Variants in NPAS4 observed in about 807,000 individuals in gnomAD.
The protein encoded by NPAS4 is neuronal PAS domain-containing protein 4.
A neutral mutation model predicts 64.0 loss-of-function variants in NPAS4; 10 were observed. That is an observed-to-expected ratio of 0.16 (90% CI 0.10 to 0.26). The LOEUF (loss-of-function observed/expected upper bound fraction) is 0.26, where lower values mean the gene tolerates loss of function less well. Among genes scored for constraint, NPAS4 ranks in the 10% least tolerant of loss-of-function variants. NPAS4 has a pLI of 1.00. For missense variants in NPAS4, 886 were observed against 992.6 expected, an observed-to-expected ratio of 0.89 and a Z score of 1.44; for synonymous variants, 441 against 411.7, an observed-to-expected ratio of 1.07 and a Z score of -0.86.
rs929792476 is a variant in NPAS4, at chr11:66,422,519, C to T, written c.396C>T (p.Arg132=). 1 of 1,613,914 alleles carries T rather than the reference C, an allele frequency of 6.2e-7. No individual in the cohort carries two copies. Among genetic ancestry groups the T allele is most frequent in the Non-Finnish European group, 8.5e-7 (1 of 1,179,938 alleles). ...ACCCAGCTGACCACCTCACTGTGCG[C>T]CAGCAACTCACCCTGCCCTCTGCCC... The part of the protein sequence containing the change: ...IIDPADHLTV[R]QQLTLPSALD... The change falls in exon 3 of 8, where the codon CGC becomes CGT. Residue 132 remains arginine (R), a synonymous_variant. Transcript: ENST00000311034.
At chr11:66,415,474 T>C in the NPAS4 span, among the ~76,000 whole-genome samples, 1 of 152,196 alleles carries the variant, frequency 6.6e-6, no homozygotes, top group East Asian at 1.9e-4. Context: ...AAAGGATCAA[T>C]TAGTAAAAAG....
Position 66,424,891 on chromosome 11 carries a change from C to T in NPAS4, c.2001C>T (p.Pro667=). ...GGLEPLGGLE[P]LDSNLSLSGA... ...TAGAGCCACTTGGAGGACTGGAGCC[C>T]CTGGACTCCAACCTGTCCCTGTCAG... The change falls in exon 7 of 8, where the codon CCC becomes CCT. Residue 667 remains proline, a synonymous_variant. Transcript: ENST00000311034. 6.2e-7 allele frequency: 1 copy of T among 1,613,538 alleles called. No homozygotes were observed. Among genetic ancestry groups the T allele is most frequent in the Non-Finnish European group, 8.5e-7 (1 of 1,179,860 alleles).
the NPAS4 span, among the ~76,000 whole-genome samples, chr11:66,411,731 G>T: frequency 6.6e-6 from 1 of 152,200 alleles, no homozygotes; most frequent in Non-Finnish European, 1.5e-5. Flanking sequence ...AACTCCCTGT[G>T]GTTCCCGCGT....
chr11:66,426,151 C>CA lies in NPAS4; in HGVS notation c.*164dup. On this transcript the variant is annotated 3_prime_UTR_variant, in exon 8 of 8. Transcript: ENST00000311034. ...TTTTGGGGGGGGGGAGGTGGGAGGGCAAGGGAGGGGAGCTTCTTTTTAAAA... is the reference window on the plus strand; with the variant it reads ...TTTTGGGGGGGGGGAGGTGGGAGGGCAAAGGGAGGGGAGCTTCTTTTTAAAA... 1 of 452,636 alleles carries CA rather than the reference C, an allele frequency of 2.2e-6. No homozygotes were observed. 28.0% of individuals were successfully genotyped at this position (452,636 alleles called of 1,614,324 possible).
rs777858086 is a variant in NPAS4, at chr11:66,421,233, C to G, written c.54C>G (p.Ala18=). The G allele has an allele frequency of 1.2e-6, 2 of 1,613,748 alleles. No individual in the cohort carries two copies. Among genetic ancestry groups the G allele is most frequent in the South Asian group, 2.2e-5 (2 of 91,072 alleles). The change falls in exon 1 of 8, where the codon GCC becomes GCG. Residue 18 remains alanine (A), a synonymous_variant. Coordinates refer to ENST00000311034, the MANE Select transcript of NPAS4 (RefSeq NM_178864.4). The part of the protein sequence containing the change: ...ASKARRDQIN[A]EIRNLKELLP... Reference sequence around the variant, plus strand: ...AGGCGCGCCGGGACCAGATCAACGCCGAGATCCGGAACCTCAAGGAGCTGC... The same window carrying G: ...AGGCGCGCCGGGACCAGATCAACGCGGAGATCCGGAACCTCAAGGAGCTGC...
chr11:66,409,468 G>A, the NPAS4 span: 4 of 151,770 alleles, frequency 2.6e-5, no homozygotes, highest in East Asian at 7.8e-4. Flanking sequence ...ACCAGGTGAG[G>A]ACTTCACTAC....
upstream of NPAS4, among the ~76,000 whole-genome samples, chr11:66,417,658 G>A (rs1667278422): frequency 1.3e-5 from 2 of 152,108 alleles, no homozygotes; most frequent in Admixed American, 6.6e-5. Flanking sequence ...GGGGACGCAT[G>A]TACATCCCAC....
the NPAS4 span, among the ~76,000 whole-genome samples, chr11:66,411,462 C>T: frequency 1.3e-5 from 2 of 152,216 alleles, no homozygotes; most frequent in African/African-American, 2.4e-5. Flanking sequence ...TTCCCCTGCA[C>T]CAAACATAAT....
upstream of NPAS4, among the ~76,000 whole-genome samples, chr11:66,418,973 G>C (rs914996026): frequency 1.3e-5 from 2 of 152,164 alleles, no homozygotes. Flanking sequence ...ATTGTGGAGG[G>C]GGACACTCAG....
intron 4 of NPAS4, 57 bp from the exon 5 acceptor site, chr11:66,423,066 G>C: frequency 6.7e-7 from 1 of 1,491,550 alleles, no homozygotes; most frequent in Non-Finnish European, 9.2e-7. Flanking sequence ...GGAGTGAGAT[G>C]CATGGGTATC....
In NPAS4 at chr11:66,422,687, C is replaced by T. The variant is rs773893309; in HGVS notation, c.444C>T (p.Arg148=). 3 of 1,613,970 alleles carry T rather than the reference C, an allele frequency of 1.9e-6. No individual in the cohort carries two copies. The highest frequency in any genetic ancestry group is 2.5e-6 in the Non-Finnish European group (3 of 1,179,942). Residue 148 remains arginine, a synonymous_variant, in exon 4 of 8, where the codon CGC becomes CGT. Coordinates refer to ENST00000311034, the MANE Select transcript of NPAS4 (RefSeq NM_178864.4). ...TCATCTATCTAGATCGCCTCTTCCG[C>T]TGCCGCTTCAACACCTCCAAGTCCC... ...PSALDTDRLF[R]CRFNTSKSLR...
Position 66,423,888 on chromosome 11 carries a change from C to G in NPAS4, c.998C>G (p.Ala333Gly), listed in dbSNP as rs1856794842. The change falls in exon 7 of 8, where the codon GCA becomes GGA. Residue 333 changes from alanine (A) to glycine (G), a missense_variant. This residue lies in a region of NPAS4 where 820 missense variants were observed against 855.5 expected (regional missense o/e 0.96). Coordinates refer to ENST00000311034, the MANE Select transcript of NPAS4 (RefSeq NM_178864.4). ...CAGTTGAACTCTGAAGACACCCAGG[C>G]AGCTTATGTCCTGGGCACTCCGACC... ...RQQLNSEDTQAAYVLGTPTML... is the reference protein window; with the variant it reads ...RQQLNSEDTQGAYVLGTPTML... 1 of 1,613,502 alleles carries G rather than the reference C, an allele frequency of 6.2e-7. No homozygotes were observed. The highest frequency in any genetic ancestry group is 1.3e-5 in the African/African-American group (1 of 74,890).
At chr11:66,418,512 G>A (rs1198427808), upstream of NPAS4, among the ~76,000 whole-genome samples, 2 of 152,276 alleles carry the variant, frequency 1.3e-5, no homozygotes, top group African/African-American at 4.8e-5. Flanking sequence ...CTGGCCTAGG[G>A]AGAGGAGACA....
At position 66,425,165 on chromosome 11, in the gene NPAS4, A is replaced by C; in HGVS notation, c.2275A>C (p.Thr759Pro). The change falls in exon 7 of 8, where the codon ACA becomes CCA. Residue 759 changes from threonine to proline, a missense_variant. By Grantham distance (38) the Thr-to-Pro change is conservative (BLOSUM62 -1). Around this residue, in one of 3 missense-constraint regions of NPAS4, gnomAD observed 28 missense variants for 57.0 expected, o/e 0.49. Transcript: ENST00000311034. ...CCACAGCTTCCTGGAGGACCTGGCC[A>C]CATATGAAACCGCCTTTGAGACAGG... ...EDHSFLEDLA[T>P]YETAFETGVS... 6.3e-7 allele frequency: 1 copy of C among 1,598,124 alleles called. No individual in the cohort carries two copies. The highest frequency in any genetic ancestry group is 1.1e-5 in the South Asian group (1 of 88,442).
Position 66,423,634 on chromosome 11 carries a change from G to A in NPAS4, c.865G>A (p.Gly289Arg), listed in dbSNP as rs925350051. Residue 289 changes from glycine to arginine, a missense_variant, in exon 6 of 8, where the codon GGA becomes AGA. Gly to Arg is a moderately radical substitution (Grantham distance 125). This residue lies in a region of NPAS4 where 820 missense variants were observed against 855.5 expected (regional missense o/e 0.96). Transcript: ENST00000311034. ...GGTGGTGAGGCTACAGGCCAAGACT[G>A]GAGGCTGGGCATGGATTTACTGCCT... The part of the protein sequence containing the change: ...EMVVRLQAKT[G>R]GWAWIYCLLY... The A allele has an allele frequency of 1.2e-6, 2 of 1,613,946 alleles. No homozygotes were observed. The highest frequency in any genetic ancestry group is 2.7e-5 in the African/African-American group (2 of 74,900).
At chr11:66,418,482 G>A (rs1049346314), upstream of NPAS4, among the ~76,000 whole-genome samples, 5 of 152,106 alleles carry the variant, frequency 3.3e-5, no homozygotes, top group African/African-American at 1.2e-4. Context: ...CACGGAGGTG[G>A]GAGGCAAGGG....
chr11:66,425,037 A>C lies in NPAS4; in HGVS notation c.2147A>C (p.Asp716Ala). Residue 716 changes from aspartate (D) to alanine (A), a missense_variant, in exon 7 of 8, where the codon GAT (aspartate) becomes GCT (alanine). Transcript: ENST00000311034. ...EETPVEDIFM[D>A]LSTPDPSEEW... The stretch of plus-strand genomic sequence containing the variant: ...ACGCCCGTGGAAGACATCTTCATGG[A>C]TCTCTCTACCCCAGATCCCAGTGAG... The C allele has an allele frequency of 6.2e-7, 1 of 1,613,218 alleles. No individual in the cohort carries two copies. The highest frequency in any genetic ancestry group is 8.5e-7 in the Non-Finnish European group (1 of 1,179,566).
chr11:66,418,657 A>G (rs1488288034), upstream of NPAS4, among the ~76,000 whole-genome samples: 1 of 152,116 alleles, frequency 6.6e-6, no homozygotes, highest in Admixed American at 6.5e-5. Context: ...TCTCCTGGAA[A>G]AAGCCAGGGG....
At position 66,421,092 on chromosome 11, in the gene NPAS4, G is replaced by T. The variant is rs1416153307; in HGVS notation, c.-88G>T. On this transcript the variant is annotated 5_prime_UTR_variant, in exon 1 of 8. Transcript: ENST00000311034. ...AGAGAGCGAGCCTGAGCGAGAGACG[G>T]GGAAGCACGGAGGAGGAAGCCGCCG... is the stretch of plus-strand genomic sequence containing the variant. The T allele has an allele frequency of 8.6e-7, 1 of 1,162,940 alleles. No individual in the cohort carries two copies. The highest frequency in any genetic ancestry group is 1.4e-5 in the South Asian group (1 of 70,294). The allele number at this position is 1,162,940 out of a possible 1,614,324, so 72.0% of individuals were successfully genotyped here.
Sources: gnomAD v4.1 joint callset for allele counts (sites outside exome capture counted in the v4.1 genomes callset) on GRCh38, gnomAD v4.1.1 for gene constraint, gnomAD v4.1.1 regional missense constraint, MANE v1.5 for transcripts, NCBI Gene and HGNC (gene_info 2026-07-23, HGNC 2026-07-21) for gene names.